Variants in PM20D2 observed in about 807,000 individuals in gnomAD.
The protein encoded by PM20D2 is xaa-Arg dipeptidase.
In PM20D2, 33 loss-of-function variants were observed where a neutral mutation model predicts 42.9. The observed-to-expected ratio is 0.77, with a 90% CI of 0.58 to 1.03. PM20D2 has a LOEUF of 1.03. Ranked by LOEUF, PM20D2 falls within the 50% of genes least tolerant of loss-of-function variation. The pLI is 0.00. For missense variants in PM20D2, 548 were observed against 557.0 expected (o/e 0.98, Z 0.16); for synonymous variants, 250 against 228.2 (o/e 1.10, Z -0.86).
At chr6:89,148,502 A>G (rs1770687463) in intron 1 of PM20D2, 1 of 967,272 alleles carries the variant, frequency 1.0e-6, no homozygotes, top group African/African-American at 1.8e-5. Flanking sequence ...TTTATTCTGT[A>G]AAGTTCTCTT....
At chr6:89,139,519 C>A in the PM20D2 span, among the ~76,000 whole-genome samples, 1 of 152,130 alleles carries the variant, frequency 6.6e-6, no homozygotes, top group Non-Finnish European at 1.5e-5. Flanking sequence ...GACCTTATTT[C>A]ACTTTAATTA....
At chr6:89,141,896 C>T (rs974011813), upstream of PM20D2, among the ~76,000 whole-genome samples, 4 of 152,128 alleles carry the variant, frequency 2.6e-5, no homozygotes, top group Non-Finnish European at 5.9e-5. Context: ...TTTGACCTCC[C>T]GGGCTCAAGC....
the PM20D2 span, chr6:89,097,897 C>T: frequency 6.6e-6 from 1 of 152,102 alleles, no homozygotes. Context: ...TAGTCTCAAA[C>T]CATTCAAAAT....
chr6:89,158,250 A>C, intron 4 of PM20D2, 75 bp from the exon 5 acceptor site: 1 of 1,339,140 alleles, frequency 7.5e-7, no homozygotes, highest in East Asian at 2.3e-5. Flanking sequence ...CTATTAGAGA[A>C]CAATCACTGG....
In PM20D2 at chr6:89,153,132, A is replaced by C; in HGVS notation, c.704A>C (p.Tyr235Ser). The change falls in exon 3 of 7, where the codon TAT (tyrosine) becomes TCT (serine). Residue 235 changes from tyrosine (Y) to serine (S), a missense_variant. Around this residue, in one of 3 missense-constraint regions of PM20D2, gnomAD observed 470 missense variants for 464.4 expected, o/e 1.01. Coordinates refer to ENST00000275072, the MANE Select transcript of PM20D2 (RefSeq NM_001010853.3). ...LNALDAAVLA[Y>S]NNLSVFRQQM... is the part of the protein sequence containing the mutation. ...GCATTAGATGCTGCTGTGCTGGCCT[A>C]TAACAATCTGTCTGTGTTCAGACAG... The C allele has an allele frequency of 6.2e-7, 1 of 1,612,344 alleles. No individual in the cohort carries two copies. The highest frequency in any genetic ancestry group is 1.1e-5 in the South Asian group (1 of 90,770).
At chr6:89,124,733 G>GTTTTTTTTTTTTTTTTTTTTTTTTT in the PM20D2 span, among the ~76,000 whole-genome samples, 1 of 79,554 alleles carries the variant, frequency 1.3e-5, no homozygotes. Context: ...TGTTGCTGTT[G>GTTTTTTTTTTTTTTTTTTTTTTTTT]TTGTTTTTTT....
upstream of PM20D2, among the ~76,000 whole-genome samples, chr6:89,141,312 C>T (rs556779842): frequency 2.6e-5 from 4 of 152,266 alleles, no homozygotes; most frequent in South Asian, 2.1e-4. Flanking sequence ...TTTCTGCCCA[C>T]GGAATGTTTC....
At position 89,164,150 on chromosome 6, in the gene PM20D2, C is replaced by T. The variant is rs928857720; in HGVS notation, c.*1887C>T. ...TCCCTTTTTAATTGCCTCTATAGCACTCATAAGAGCTAGGGCATTAGGATA... is the reference window on the plus strand; with the variant it reads ...TCCCTTTTTAATTGCCTCTATAGCATTCATAAGAGCTAGGGCATTAGGATA... On this transcript the variant is annotated 3_prime_UTR_variant, in exon 7 of 7. Coordinates refer to ENST00000275072, the MANE Select transcript of PM20D2 (RefSeq NM_001010853.3). The T allele has an allele frequency of 5.3e-5, 8 of 152,108 alleles. No individual in the cohort carries two copies. Among genetic ancestry groups the T allele is most frequent in the Non-Finnish European group, 1.2e-4 (8 of 68,014 alleles). The allele number at this position is 152,108 out of a possible 1,614,324, so 9.4% of individuals were successfully genotyped here.
chr6:89,117,974 C>A, the PM20D2 span: 2 of 1,400,648 alleles, frequency 1.4e-6, no homozygotes, highest in African/African-American at 1.5e-5. Flanking sequence ...CACAGGAGCT[C>A]CGCCGGCCCC....
the PM20D2 span, among the ~76,000 whole-genome samples, chr6:89,137,793 C>G: frequency 6.6e-6 from 1 of 152,008 alleles, no homozygotes; most frequent in African/African-American, 2.4e-5. Context: ...CTTTTTTTCT[C>G]TCTTTCCTTC....
At chr6:89,134,182 G>A in the PM20D2 span, among the ~76,000 whole-genome samples, 3 of 151,152 alleles carry the variant, frequency 2.0e-5, no homozygotes, top group Admixed American at 2.0e-4. Flanking sequence ...CACCATTAGA[G>A]GGTAATTAAC....
At chr6:89,099,690 C>T in the PM20D2 span, among the ~76,000 whole-genome samples, 1 of 151,948 alleles carries the variant, frequency 6.6e-6, no homozygotes, top group African/African-American at 2.4e-5. Flanking sequence ...CATGCGCCAC[C>T]ACGCCCAGCT....
At chr6:89,103,085 G>A in the PM20D2 span, among the ~76,000 whole-genome samples, 1 of 152,074 alleles carries the variant, frequency 6.6e-6, no homozygotes, top group South Asian at 2.1e-4. Flanking sequence ...TTTAAAATGA[G>A]AAAAACTGGT....
the PM20D2 span, among the ~76,000 whole-genome samples, chr6:89,116,529 C>T: frequency 6.6e-6 from 1 of 152,102 alleles, no homozygotes; most frequent in Non-Finnish European, 1.5e-5. Flanking sequence ...AATCTCAGCG[C>T]TTTGGGAGGC....
the PM20D2 span, among the ~76,000 whole-genome samples, chr6:89,132,625 C>T: frequency 1.3e-5 from 2 of 149,760 alleles, no homozygotes; most frequent in Non-Finnish European, 3.0e-5. Context: ...GCGGGCAGAT[C>T]ACTTGAGGTC....
At chr6:89,097,505 C>T in the PM20D2 span, 1 of 151,922 alleles carries the variant, frequency 6.6e-6, no homozygotes, top group Non-Finnish European at 1.5e-5. Flanking sequence ...GATGTAGTCT[C>T]GAGTTTCTTC....
chr6:89,128,562 G>C, the PM20D2 span, among the ~76,000 whole-genome samples: 1 of 152,092 alleles, frequency 6.6e-6, no homozygotes, highest in African/African-American at 2.4e-5. Flanking sequence ...CCTTTGTCCT[G>C]TTCCCTCAGA....
the PM20D2 span, among the ~76,000 whole-genome samples, chr6:89,114,288 C>T: frequency 6.6e-6 from 1 of 152,236 alleles, no homozygotes; most frequent in African/African-American, 2.4e-5. Context: ...ATTAGCCAGG[C>T]ATGGTGGCAC....
At chr6:89,115,248 G>A in the PM20D2 span, among the ~76,000 whole-genome samples, 1 of 151,802 alleles carries the variant, frequency 6.6e-6, no homozygotes, top group Non-Finnish European at 1.5e-5. Flanking sequence ...GGGACTACAG[G>A]TGTCATACAC....
Sources: gnomAD v4.1 joint callset for allele counts (sites outside exome capture counted in the v4.1 genomes callset) on GRCh38, gnomAD v4.1.1 for gene constraint, gnomAD v4.1.1 regional missense constraint, MANE v1.5 for transcripts, NCBI Gene and HGNC (gene_info 2026-07-23, HGNC 2026-07-21) for gene names.